Variants in PCDHGA4 observed in about 807,000 individuals in gnomAD.
PCDHGA4 encodes the protein protocadherin gamma subfamily A, 4.
In PCDHGA4, 38 loss-of-function variants were observed where a neutral mutation model predicts 54.6. The ratio of observed to expected loss-of-function variants is 0.70; its 90% CI spans 0.54 to 0.91. The LOEUF is 0.91. Among genes scored for constraint, PCDHGA4 ranks in the 40% least tolerant of loss-of-function variants. The probability of loss-of-function intolerance (pLI) is 0.00; values close to 1 mark genes in which losing one functional copy is unlikely to be tolerated. For missense variants in PCDHGA4, 1,298 were observed against 1,220.9 expected (o/e 1.06, Z -0.94); for synonymous variants, 511 against 512.9 (o/e 1.00, Z 0.05).
chr5:141,423,569 T>A, intron 1 of PCDHGA4: 2 of 1,613,480 alleles, frequency 1.2e-6, no homozygotes, highest in Non-Finnish European at 1.7e-6. Context: ...GACACGCTCA[T>A]CAGCCAGGAG....
intron 1 of PCDHGA4, chr5:141,404,260 T>G: frequency 6.2e-7 from 1 of 1,613,910 alleles, no homozygotes; most frequent in Non-Finnish European, 8.5e-7. Context: ...CCACAGAAAT[T>G]CACATCACCC....
chr5:141,505,243 G>A (rs2099844728), intron 2 of PCDHGA4, 150 bp from the exon 3 acceptor site: 1 of 1,424,622 alleles, frequency 7.0e-7, no homozygotes, highest in Non-Finnish European at 9.4e-7. Flanking sequence ...CTGAAGGATT[G>A]TAGAAGTGCC....
chr5:141,374,400 T>A (rs1389485133), intron 1 of PCDHGA4: 2 of 1,613,908 alleles, frequency 1.2e-6, no homozygotes, highest in Non-Finnish European at 1.7e-6. Flanking sequence ...CTGGTGAGTT[T>A]TAACATCCTT....
intron 1 of PCDHGA4, among the ~76,000 whole-genome samples, chr5:141,482,765 T>C (rs2099572013): frequency 7.9e-6 from 1 of 127,068 alleles, no homozygotes; most frequent in African/African-American, 3.6e-5. Flanking sequence ...TATTTCATTA[T>C]CACTGAACCT....
intron 1 of PCDHGA4, chr5:141,370,818 ATCAGCGAACTGGCTC>A (rs758994219): frequency 6.2e-7 from 1 of 1,614,074 alleles, no homozygotes; most frequent in South Asian, 1.1e-5. Flanking sequence ...TGAGCTGGAA[ATCAGCGAACTGGCTC>A]TCACTGGAGC....
chr5:141,476,446 G>A lies in PCDHGA4; in HGVS notation c.2515-18361G>A. On this transcript the variant is annotated intron_variant, in intron 1 of 3. Transcript: ENST00000571252. This position sits in a 1 kb window ranked among gnomAD's most constrained non-coding sequence, Gnocchi z 7.6. Reference sequence around the variant, plus strand: ...CCTCTTGCACTGTAACTCTGGAGTTGGTAGTGGAGAACCCGCTGGAGCTGT... The same window carrying A: ...CCTCTTGCACTGTAACTCTGGAGTTAGTAGTGGAGAACCCGCTGGAGCTGT... 6.2e-7 allele frequency: 1 copy of A among 1,614,144 alleles called. No homozygotes were observed. Among genetic ancestry groups the A allele is most frequent in the South Asian group, 1.1e-5 (1 of 91,072 alleles).
At chr5:141,405,505 C>T (rs573282216) in intron 1 of PCDHGA4, 22 of 751,126 alleles carry the variant, frequency 2.9e-5, no homozygotes, top group Admixed American at 1.7e-4. Flanking sequence ...TTGCAACCTC[C>T]GCCTCCCAAA....
At chr5:141,395,067 AC>A (rs1479370833) in intron 1 of PCDHGA4, 1 of 1,613,888 alleles carries the variant, frequency 6.2e-7, no homozygotes, top group African/African-American at 1.3e-5. Flanking sequence ...TTTCCTGCAG[AC>A]CTATTCCCAG....
chr5:141,359,076 G>T (rs1165492241), intron 1 of PCDHGA4, among the ~76,000 whole-genome samples: 2 of 152,194 alleles, frequency 1.3e-5, no homozygotes, highest in East Asian at 1.9e-4. Context: ...TTACAAAGGA[G>T]AGTTTTAGTT....
intron 1 of PCDHGA4, among the ~76,000 whole-genome samples, chr5:141,447,378 T>C (rs2098536967): frequency 6.6e-6 from 1 of 152,148 alleles, no homozygotes; most frequent in Non-Finnish European, 1.5e-5. Context: ...ACCCTGGTGA[T>C]CTGCCCACCT....
chr5:141,451,408 T>C (rs1244686397), intron 1 of PCDHGA4, among the ~76,000 whole-genome samples: 1 of 152,204 alleles, frequency 6.6e-6, no homozygotes, highest in Non-Finnish European at 1.5e-5. Flanking sequence ...ATTAAGTTCC[T>C]TGTGGATTGT....
chr5:141,478,415 C>G (rs182700706), intron 1 of PCDHGA4: 5 of 1,613,648 alleles, frequency 3.1e-6, no homozygotes, highest in Non-Finnish European at 4.2e-6. Context: ...CACGGACTCC[C>G]GCCGCAGCGA....
In PCDHGA4 at chr5:141,476,962, C is replaced by A. The variant is rs2099402286; in HGVS notation, c.2515-17845C>A. On this transcript the variant is annotated intron_variant, in intron 1 of 3. Coordinates refer to ENST00000571252, the MANE Select transcript of PCDHGA4 (RefSeq NM_018917.4). This position sits in a 1 kb window ranked among gnomAD's most constrained non-coding sequence, Gnocchi z 7.6. ...GCCCCAACGGTGAAATTATTTACTCCTTCGGCAGCCACAACCGCGCCGGCG... is the reference window on the plus strand; with the variant it reads ...GCCCCAACGGTGAAATTATTTACTCATTCGGCAGCCACAACCGCGCCGGCG... 2 of 1,614,200 alleles carry A rather than the reference C, an allele frequency of 1.2e-6. No individual in the cohort carries two copies. The highest frequency in any genetic ancestry group is 1.7e-6 in the Non-Finnish European group (2 of 1,180,042).
rs745814935 is a variant in PCDHGA4, at chr5:141,357,130, G to T, written c.2023G>T (p.Val675Leu). The change falls in exon 1 of 4, where the codon GTG becomes TTG. Residue 675 changes from valine to leucine, a missense_variant. Val to Leu is a conservative substitution (Grantham distance 32). Transcript: ENST00000571252. Reference sequence around the variant, plus strand: ...AGACGCGCTCAAGCAGAGGCTTGTAGTGGTCGTCCAGGACCATGGCCAGCC... The same window carrying T: ...AGACGCGCTCAAGCAGAGGCTTGTATTGGTCGTCCAGGACCATGGCCAGCC... ...DRDALKQRLV[V>L]VVQDHGQPPL... is the part of the protein sequence containing the mutation. 3.7e-6 allele frequency: 6 copies of T among 1,613,472 alleles called. No homozygotes were observed. The Admixed American group carries it at 8.3e-5, about 22-fold the overall frequency.
intron 1 of PCDHGA4, chr5:141,422,908 C>T (rs1340882515): frequency 2.5e-6 from 4 of 1,614,126 alleles, no homozygotes; most frequent in Non-Finnish European, 3.4e-6. Context: ...CGACAATGCG[C>T]CCGAGATCCT....
chr5:141,422,909 C>T (rs1260941191), intron 1 of PCDHGA4: 1 of 1,614,252 alleles, frequency 6.2e-7, no homozygotes, highest in East Asian at 2.2e-5. Flanking sequence ...GACAATGCGC[C>T]CGAGATCCTG....
At chr5:141,474,345 G>A (rs541613646) in intron 1 of PCDHGA4, among the ~76,000 whole-genome samples, 7 of 152,124 alleles carry the variant, frequency 4.6e-5, no homozygotes, top group African/African-American at 7.2e-5. Flanking sequence ...TTGTTAAAAT[G>A]TAAGTCATGT....
intron 1 of PCDHGA4, chr5:141,418,385 G>A (rs759618059): frequency 8.7e-6 from 14 of 1,613,930 alleles, no homozygotes; most frequent in Admixed American, 1.7e-5. Flanking sequence ...AAGTCCTAAC[G>A]AGTATTTCTC....
intron 1 of PCDHGA4, chr5:141,433,252 G>T (rs1398141147): frequency 1.4e-6 from 2 of 1,425,340 alleles, no homozygotes; most frequent in Non-Finnish European, 1.9e-6. Flanking sequence ...GGAATGCAGC[G>T]GTACGATCAT....
Sources: gnomAD v4.1 joint callset for allele counts (sites outside exome capture counted in the v4.1 genomes callset) on GRCh38, gnomAD v4.1.1 for gene constraint, Gnocchi (gnomAD v3.1) non-coding constraint, MANE v1.5 for transcripts, NCBI Gene and HGNC (gene_info 2026-07-23, HGNC 2026-07-21) for gene names.